Variants in LHFPL3 observed in about 807,000 individuals in gnomAD.
The protein encoded by LHFPL3 is LHFPL tetraspan subfamily member 3 protein.
A neutral mutation model predicts 19.3 loss-of-function variants in LHFPL3; 5 were observed. The ratio of observed to expected loss-of-function variants is 0.26; its 90% CI spans 0.14 to 0.54. LHFPL3 has a LOEUF of 0.54. LHFPL3 is among the 20% of genes least tolerant of loss of function. The pLI is 0.94. For synonymous variants in LHFPL3, 133 were observed against 126.2 expected, an observed-to-expected ratio of 1.05 and a Z score of -0.36; for missense variants, 249 against 307.4, an observed-to-expected ratio of 0.81 and a Z score of 1.42.
chr7:104,422,430 A>G (rs1791752200), intron 1 of LHFPL3, among the ~76,000 whole-genome samples: 1 of 152,014 alleles, frequency 6.6e-6, no homozygotes, highest in Non-Finnish European at 1.5e-5. Context: ...ATGGGGCTTC[A>G]TTATAACAGC....
chr7:104,452,675 G>A (rs1792464378), intron 1 of LHFPL3, among the ~76,000 whole-genome samples: 1 of 151,724 alleles, frequency 6.6e-6, no homozygotes, highest in African/African-American at 2.4e-5. Context: ...ATCCTTTTAT[G>A]TGTGTCTTTT....
intron 1 of LHFPL3, among the ~76,000 whole-genome samples, chr7:104,452,394 CT>C (rs1217187080): frequency 6.6e-6 from 1 of 152,078 alleles, no homozygotes; most frequent in Non-Finnish European, 1.5e-5. Flanking sequence ...TAACTCAAAC[CT>C]TTGTTCACTT....
intron 1 of LHFPL3, among the ~76,000 whole-genome samples, chr7:104,409,564 T>C (rs1301612985): frequency 6.6e-6 from 1 of 151,970 alleles, no homozygotes; most frequent in Non-Finnish European, 1.5e-5. Flanking sequence ...TGCGGTGAGC[T>C]GTGACCATGC....
At chr7:104,352,990 C>A (rs1285194610) in intron 1 of LHFPL3, among the ~76,000 whole-genome samples, 1 of 152,160 alleles carries the variant, frequency 6.6e-6, no homozygotes, top group Non-Finnish European at 1.5e-5. Context: ...CAGTGGGGAG[C>A]CTGTAAGGGC....
chr7:104,657,492 T>C (rs1792141705), intron 1 of LHFPL3, among the ~76,000 whole-genome samples: 1 of 152,258 alleles, frequency 6.6e-6, no homozygotes, highest in Non-Finnish European at 1.5e-5. Context: ...CTTGTTTTAA[T>C]AGCTGCCATT....
intron 2 of LHFPL3, among the ~76,000 whole-genome samples, chr7:104,892,636 G>A (rs1397378864): frequency 2.7e-5 from 4 of 149,838 alleles, no homozygotes; most frequent in Admixed American, 1.3e-4. Flanking sequence ...ACCTGAACCC[G>A]GGAGGCAGAG....
chr7:104,335,112 G>T (rs1789768660), intron 1 of LHFPL3, among the ~76,000 whole-genome samples: 1 of 152,182 alleles, frequency 6.6e-6, no homozygotes, highest in Non-Finnish European at 1.5e-5. Context: ...CTGAAGAGGG[G>T]ACAGAACTGG....
intron 1 of LHFPL3, among the ~76,000 whole-genome samples, chr7:104,407,580 C>G (rs1054748796): frequency 1.3e-5 from 2 of 152,198 alleles, no homozygotes; most frequent in African/African-American, 4.8e-5. Context: ...TGCCTGAACC[C>G]AGGAGGCAGA....
At chr7:104,416,496 C>T (rs1489392420) in intron 1 of LHFPL3, among the ~76,000 whole-genome samples, 1 of 152,232 alleles carries the variant, frequency 6.6e-6, no homozygotes, top group Non-Finnish European at 1.5e-5. Context: ...CTTTCTAAAT[C>T]ACCAACTCCC....
chr7:104,353,343 C>A (rs375112305), intron 1 of LHFPL3, among the ~76,000 whole-genome samples: 1 of 152,054 alleles, frequency 6.6e-6, no homozygotes, highest in East Asian at 1.9e-4. Context: ...TCAGATGAGA[C>A]CACATGAGGA....
chr7:104,797,417 C>T (rs944156521), intron 2 of LHFPL3, among the ~76,000 whole-genome samples: 1 of 152,112 alleles, frequency 6.6e-6, no homozygotes, highest in African/African-American at 2.4e-5. Flanking sequence ...GCCTCCTTAG[C>T]TATCTTTAGT....
At chr7:104,830,715 A>G (rs11536517) in intron 2 of LHFPL3, among the ~76,000 whole-genome samples, 62,977 of 151,588 alleles carry the variant, frequency 0.42, 14,952 homozygotes, top group Non-Finnish European at 0.55. Context: ...TACCAGTACC[A>G]TGCTGTTTTG....
intron 1 of LHFPL3, among the ~76,000 whole-genome samples, chr7:104,392,822 T>A (rs1342832167): frequency 6.6e-6 from 1 of 152,182 alleles, no homozygotes; most frequent in African/African-American, 2.4e-5. Context: ...GTCCTGGACT[T>A]TTCTTTGGTT....
intron 1 of LHFPL3, among the ~76,000 whole-genome samples, chr7:104,697,455 G>T (rs565936970): frequency 1.3e-5 from 2 of 152,308 alleles, no homozygotes; most frequent in East Asian, 3.9e-4. Context: ...TATGCTGTAT[G>T]AGTGTATTAA....
rs995155925 is a variant in LHFPL3, at chr7:104,399,134, G to A, written c.445+69910G>A. Among the ~76,000 whole-genome samples the A allele has an allele frequency of 1.3e-5, 2 of 152,114 alleles. No homozygotes were observed. The highest frequency in any genetic ancestry group is 4.8e-5 in the African/African-American group (2 of 41,408). On this transcript the variant is annotated intron_variant, in intron 1 of 2. Coordinates refer to ENST00000424859, the MANE Select transcript of LHFPL3 (RefSeq NM_199000.3). The surrounding 1 kb of genome is among the most constrained non-coding windows in gnomAD (Gnocchi z 4.4). ...AGTGGGGGAAGATGTCACTTCCTATGGGGTTTTCTGGGGAATGGAGAGTTT... is the reference window on the plus strand; with the variant it reads ...AGTGGGGGAAGATGTCACTTCCTATAGGGTTTTCTGGGGAATGGAGAGTTT...
At chr7:104,569,364 A>G (rs1023981788) in intron 1 of LHFPL3, among the ~76,000 whole-genome samples, 1 of 152,228 alleles carries the variant, frequency 6.6e-6, no homozygotes, top group African/African-American at 2.4e-5. Flanking sequence ...TATTTAAATG[A>G]ATGAATGACA....
chr7:104,879,108 C>G (rs1792000406), intron 2 of LHFPL3, among the ~76,000 whole-genome samples: 1 of 152,106 alleles, frequency 6.6e-6, no homozygotes, highest in Admixed American at 6.6e-5. Context: ...AAGAAGCCAT[C>G]TCTGTGACAT....
At chr7:104,536,982 C>T (rs114323214) in intron 1 of LHFPL3, among the ~76,000 whole-genome samples, 11 of 152,220 alleles carry the variant, frequency 7.2e-5, no homozygotes, top group African/African-American at 1.4e-4. Flanking sequence ...TCTTCTACCT[C>T]GGATTAACCT....
At chr7:104,447,667 G>A (rs920757747) in intron 1 of LHFPL3, among the ~76,000 whole-genome samples, 2 of 152,050 alleles carry the variant, frequency 1.3e-5, no homozygotes, top group Admixed American at 1.3e-4. Context: ...CTAGGCTAGG[G>A]TTCTTACCTT....
Sources: allele counts gnomAD v4.1 joint callset (sites outside exome capture counted in the v4.1 genomes callset), GRCh38; gene constraint gnomAD v4.1.1; non-coding constraint Gnocchi (gnomAD v3.1); transcripts MANE v1.5; gene names NCBI Gene and HGNC (gene_info 2026-07-23, HGNC 2026-07-21).